Variants in KIAA1755 observed in about 807,000 individuals in gnomAD.
KIAA1755 encodes the protein KIAA1755, also known as uncharacterized protein KIAA1755.
KIAA1755 carries 68 observed loss-of-function variants against 91.7 expected under a neutral mutation model. The ratio of observed to expected loss-of-function variants is 0.74; its 90% CI spans 0.61 to 0.91. The LOEUF (loss-of-function observed/expected upper bound fraction) is 0.91. Ranked by LOEUF, KIAA1755 falls within the 40% of genes least tolerant of loss-of-function variation. KIAA1755 has a pLI of 0.00. For missense variants in KIAA1755, 1,535 were observed against 1,494.4 expected, an observed-to-expected ratio of 1.03 and a Z score of -0.45; for synonymous variants, 610 against 604.6, an observed-to-expected ratio of 1.01 and a Z score of -0.13.
rs147483714 is a variant in KIAA1755, at chr20:38,231,819, C to G, written c.1748-494G>C. 4.0e-3 allele frequency among the ~76,000 whole-genome samples: 613 copies of G among 152,324 alleles called. 6 individuals are homozygous for G. Among genetic ancestry groups the G allele is most frequent in the African/African-American group, 0.014 (578 of 41,578 alleles). On this transcript the variant is annotated intron_variant, in intron 4 of 13. Transcript: ENST00000279024. Reference sequence around the variant, plus strand: ...ATGATTGAGTTGCTCAATCGTTGGTCGTTACAATGATCACTGTCTCTGTTC... The same window carrying G: ...ATGATTGAGTTGCTCAATCGTTGGTGGTTACAATGATCACTGTCTCTGTTC...
chr20:38,255,575 G>C (rs112115434), intron 1 of KIAA1755, among the ~76,000 whole-genome samples: 1 of 152,184 alleles, frequency 6.6e-6, no homozygotes, highest in Admixed American at 6.5e-5. Flanking sequence ...TGGGACACTC[G>C]TCCTGAACTT....
chr20:38,219,722 G>C lies in KIAA1755; in HGVS notation c.2464C>G (p.Gln822Glu). 6.2e-7 allele frequency: 1 copy of C among 1,614,180 alleles called. No individual in the cohort carries two copies. Among genetic ancestry groups the C allele is most frequent in the Non-Finnish European group, 8.5e-7 (1 of 1,180,040 alleles). ...GAAGCGGTGACCAGAACATGAAGCT[G>C]CTCGTCCACAAGGCTGTACAAGGCA... Reference protein sequence around the residue: ...ATALYSLVDEQLHVLVTASNS... With the variant: ...ATALYSLVDEELHVLVTASNS... The change falls in exon 11 of 14, where the codon CAG becomes GAG. Residue 822 changes from glutamine to glutamate, a missense_variant. Gln to Glu is a conservative substitution (Grantham distance 29). Coordinates refer to ENST00000279024, the MANE Select transcript of KIAA1755 (RefSeq NM_001029864.2).
rs2075700209 is a variant in KIAA1755, at chr20:38,223,552, G to A, written c.2254C>T (p.Pro752Ser). 1 of 1,596,220 alleles carries A rather than the reference G, an allele frequency of 6.3e-7. No homozygotes were observed. Among genetic ancestry groups the A allele is most frequent in the African/African-American group, 1.4e-5 (1 of 73,562 alleles). ...TCCAGGCTCACCTGCATCCCCCCAG[G>A]GGGGTCGGCCTTCTCGAATTCCTCG... ...SIEEFEKADP[P>S]GGMQEATRCL... Residue 752 changes from proline to serine, a missense_variant, in exon 9 of 14, where the codon CCT becomes TCT. By Grantham distance (74) the Pro-to-Ser change is moderately conservative (BLOSUM62 -1). Coordinates refer to ENST00000279024, the MANE Select transcript of KIAA1755 (RefSeq NM_001029864.2).
intron 1 of KIAA1755, among the ~76,000 whole-genome samples, chr20:38,247,928 A>G (rs2076184963): frequency 6.6e-6 from 1 of 152,214 alleles, no homozygotes; most frequent in Admixed American, 6.5e-5. Flanking sequence ...ATCTCTTATT[A>G]CATTAAAAAT....
intron 3 of KIAA1755, among the ~76,000 whole-genome samples, chr20:38,240,050 C>T (rs1374386918): frequency 2.6e-5 from 4 of 152,178 alleles, no homozygotes; most frequent in East Asian, 1.9e-4. Context: ...GCATGCACCA[C>T]GAAGCCCAGC....
At chr20:38,220,657 C>G (rs1034587187) in intron 10 of KIAA1755, among the ~76,000 whole-genome samples, 2 of 152,312 alleles carry the variant, frequency 1.3e-5, no homozygotes, top group South Asian at 4.1e-4. Flanking sequence ...GTTCCAGGGA[C>G]AGCCAGGGCA....
chr20:38,211,052 C>A lies in KIAA1755; in HGVS notation c.*1990G>T, dbSNP rs936610641. 2 of 152,306 alleles carry A rather than the reference C, an allele frequency of 1.3e-5. No individual in the cohort carries two copies. Among genetic ancestry groups the A allele is most frequent in the Non-Finnish European group, 2.9e-5 (2 of 68,104 alleles). The allele number at this position is 152,306 out of a possible 1,614,324, so 9.4% of individuals were successfully genotyped here. ...ACTTGGCTACAAACGCAGATTCCAG[C>A]CACCTGCCAGCACCAAGAGTCTATT... On this transcript the variant is annotated 3_prime_UTR_variant, in exon 14 of 14. Coordinates refer to ENST00000279024, the MANE Select transcript of KIAA1755 (RefSeq NM_001029864.2).
intron 4 of KIAA1755, among the ~76,000 whole-genome samples, chr20:38,235,416 G>C (rs2075943532): frequency 6.6e-6 from 1 of 152,056 alleles, no homozygotes; most frequent in Non-Finnish European, 1.5e-5. Context: ...GTGATGAAGG[G>C]CAGGACCTTG....
chr20:38,241,496 C>G lies in KIAA1755; in HGVS notation c.635G>C (p.Ser212Thr), dbSNP rs1318928519. 1 of 1,614,112 alleles carries G rather than the reference C, an allele frequency of 6.2e-7. No individual in the cohort carries two copies. The highest frequency in any genetic ancestry group is 1.3e-5 in the African/African-American group (1 of 74,942). The stretch of plus-strand genomic sequence containing the variant: ...GGCCTGGTGCAACTCTTGAGGGCTG[C>G]TCAAATCCAGTGCCTCTAATGGAAG... The part of the protein sequence containing the change: ...GPLPLEALDL[S>T]SPQELHQASS... Residue 212 changes from serine to threonine, a missense_variant, in exon 3 of 14, where the codon AGC (serine) becomes ACC (threonine). Ser to Thr is a moderately conservative substitution (Grantham distance 58). Coordinates refer to ENST00000279024, the MANE Select transcript of KIAA1755 (RefSeq NM_001029864.2).
At chr20:38,218,108 T>A in intron 12 of KIAA1755, 136 bp downstream of exon 12, 1 of 1,120,744 alleles carries the variant, frequency 8.9e-7, no homozygotes, top group Non-Finnish European at 1.3e-6. Context: ...AACTCTGCAA[T>A]CCAAGCTGGT....
intron 12 of KIAA1755, 22 bp from the exon 13 acceptor site, chr20:38,217,496 C>T (rs756556435): frequency 1.2e-5 from 18 of 1,554,806 alleles, no homozygotes; most frequent in East Asian, 9.4e-5. Context: ...GAGGAGGGGG[C>T]GCCCACTCAG....
chr20:38,241,509 C>T lies in KIAA1755; in HGVS notation c.622G>A (p.Ala208Thr). 2 of 1,614,250 alleles carry T rather than the reference C, an allele frequency of 1.2e-6. No individual in the cohort carries two copies. Among genetic ancestry groups the T allele is most frequent in the East Asian group, 2.2e-5 (1 of 44,884 alleles). The change falls in exon 3 of 14, where the codon GCA (alanine) becomes ACA (threonine). Residue 208 changes from alanine to threonine, a missense_variant. Transcript: ENST00000279024. ...TCTTGAGGGCTGCTCAAATCCAGTG[C>T]CTCTAATGGAAGGGGCCCCCAGGCT... ...CQAWGPLPLE[A>T]LDLSSPQELH...
At position 38,256,423 on chromosome 20, in the gene KIAA1755, A is replaced by G. The variant is rs564202255; in HGVS notation, c.3+4075T>C. On this transcript the variant is annotated intron_variant, in intron 1 of 13. Coordinates refer to ENST00000279024, the MANE Select transcript of KIAA1755 (RefSeq NM_001029864.2). ...ATGAGGTTCTTTCTGCCATGTTCAC[A>G]TATTCTAATTTGTTATTGGCTTACT... Among the ~76,000 whole-genome samples the G allele has an allele frequency of 2.4e-4, 37 of 152,326 alleles. No individual in the cohort carries two copies. The East Asian group carries it at 6.9e-3, about 29-fold the overall frequency.
At chr20:38,244,790 C>A (rs2076125686) in intron 2 of KIAA1755, among the ~76,000 whole-genome samples, 1 of 152,194 alleles carries the variant, frequency 6.6e-6, no homozygotes, top group Non-Finnish European at 1.5e-5. Flanking sequence ...CTCACTGCAA[C>A]CTCTGCCTCC....
At chr20:38,230,350 T>C (rs1333535053) in intron 5 of KIAA1755, among the ~76,000 whole-genome samples, 1 of 152,206 alleles carries the variant, frequency 6.6e-6, no homozygotes, top group Non-Finnish European at 1.5e-5. Flanking sequence ...ACAGCTCAAT[T>C]ATCACCTCCT....
At position 38,213,734 on chromosome 20, in the gene KIAA1755, A is replaced by T; in HGVS notation, c.2911T>A (p.Phe971Ile). 1.4e-6 allele frequency: 2 copies of T among 1,472,756 alleles called. No homozygotes were observed. The highest frequency in any genetic ancestry group is 1.8e-6 in the Non-Finnish European group (2 of 1,111,924). The allele number at this position is 1,472,756 out of a possible 1,614,324, so 91.2% of individuals were successfully genotyped here. Reference protein sequence around the residue: ...LHRFCKRMTWFHMDCQDLMAQ... With the variant: ...LHRFCKRMTWIHMDCQDLMAQ... ...ATCAGGTCCTGACAGTCCATGTGGA[A>T]CCAGGTCATCTGGGGGACAAGAAGA... Residue 971 changes from phenylalanine to isoleucine, a missense_variant, in exon 14 of 14, where the codon TTC (phenylalanine) becomes ATC (isoleucine). By Grantham distance (21) the Phe-to-Ile change is conservative (BLOSUM62 0). Coordinates refer to ENST00000279024, the MANE Select transcript of KIAA1755 (RefSeq NM_001029864.2).
At chr20:38,220,788 C>A (rs556099435) in intron 10 of KIAA1755, among the ~76,000 whole-genome samples, 5 of 152,336 alleles carry the variant, frequency 3.3e-5, no homozygotes, top group African/African-American at 1.2e-4. Context: ...GCCGGCCCTG[C>A]CTCCATTTCA....
chr20:38,259,817 CCACCACA>C (rs777627353), intron 1 of KIAA1755, among the ~76,000 whole-genome samples: 2 of 116,160 alleles, frequency 1.7e-5, no homozygotes, highest in Non-Finnish European at 3.4e-5. Flanking sequence ...GCCACCACCA[CCACCACA>C]CACACACACA....
rs1198958012 is a variant in KIAA1755, at chr20:38,217,264, A to T, written c.2890T>A (p.Phe964Ile). The change falls in exon 13 of 14, where the codon TTC becomes ATC. Residue 964 changes from phenylalanine to isoleucine, a missense_variant. Coordinates refer to ENST00000279024, the MANE Select transcript of KIAA1755 (RefSeq NM_001029864.2). ...DLETLLHLHR[F>I]CKRMTWFHMD... ...GCCGCGGGGCTCACCCTCTTGCAGA[A>T]GCGGTGCAGGTGGAGCAGCGTCTCG... 6.2e-7 allele frequency: 1 copy of T among 1,600,536 alleles called. No homozygotes were observed. The highest frequency in any genetic ancestry group is 8.5e-7 in the Non-Finnish European group (1 of 1,175,176).
Sources: allele counts gnomAD v4.1 joint callset (sites outside exome capture counted in the v4.1 genomes callset), GRCh38; gene constraint gnomAD v4.1.1; transcripts MANE v1.5; gene names NCBI Gene and HGNC (gene_info 2026-07-23, HGNC 2026-07-21).